DEPTOR: variants seen among roughly 807,000 people sequenced by gnomAD.
The protein encoded by DEPTOR is DEP domain containing MTOR interacting protein.
DEPTOR carries 41 observed loss-of-function variants against 41.6 expected under a neutral mutation model. That is an observed-to-expected ratio of 0.98 (90% CI 0.77 to 1.28). The LOEUF (loss-of-function observed/expected upper bound fraction) is 1.28. Ranked by LOEUF, DEPTOR falls within the 50% of genes most tolerant of loss-of-function variation. The pLI is 0.00. For missense variants in DEPTOR, 514 were observed against 527.9 expected (o/e 0.97, Z 0.26); for synonymous variants, 195 against 192.3 (o/e 1.01, Z -0.12).
chr8:119,894,800 A>G (rs1827495308), intron 1 of DEPTOR, among the ~76,000 whole-genome samples: 1 of 152,196 alleles, frequency 6.6e-6, no homozygotes, highest in African/African-American at 2.4e-5. Context: ...ACTTTCATAG[A>G]AAGTTCGGTA....
chr8:120,002,791 A>AAATATAT, intron 5 of DEPTOR, among the ~76,000 whole-genome samples, 186 bp from the exon 6 acceptor site: 16 of 60,674 alleles, frequency 2.6e-4, no homozygotes, highest in East Asian at 5.2e-4. Context: ...AAAAAAAAAA[A>AAATATAT]ATATATATAT....
At chr8:119,874,980 T>C (rs1186232602) in intron 1 of DEPTOR, among the ~76,000 whole-genome samples, 1 of 152,126 alleles carries the variant, frequency 6.6e-6, no homozygotes, top group East Asian at 1.9e-4. Context: ...TTTCTAAATG[T>C]CTGTGTTTCA....
intron 1 of DEPTOR, among the ~76,000 whole-genome samples, chr8:119,894,003 G>C (rs1004264833): frequency 6.6e-6 from 1 of 152,076 alleles, no homozygotes; most frequent in African/African-American, 2.4e-5. Context: ...TATACTTTTG[G>C]GGAAATCATT....
At chr8:119,992,640 T>C (rs941880146) in intron 4 of DEPTOR, among the ~76,000 whole-genome samples, 3 of 150,648 alleles carry the variant, frequency 2.0e-5, no homozygotes, top group Admixed American at 6.7e-5. Context: ...TCCTTCCAAC[T>C]AGATAAGTAG....
intron 4 of DEPTOR, among the ~76,000 whole-genome samples, chr8:119,981,328 T>G (rs1310681635): frequency 6.6e-6 from 1 of 152,198 alleles, no homozygotes; most frequent in Non-Finnish European, 1.5e-5. Flanking sequence ...CCACTCCGTT[T>G]TTACTTTACC....
intron 1 of DEPTOR, among the ~76,000 whole-genome samples, chr8:119,912,320 A>G (rs955411928): frequency 2.6e-5 from 4 of 152,242 alleles, no homozygotes; most frequent in African/African-American, 9.6e-5. Flanking sequence ...TCCCTAACAT[A>G]TAGAATACAA....
At chr8:119,983,453 C>T (rs1403890231) in intron 4 of DEPTOR, among the ~76,000 whole-genome samples, 3 of 152,038 alleles carry the variant, frequency 2.0e-5, no homozygotes, top group Middle Eastern at 3.2e-3. Flanking sequence ...GGCGCCATCT[C>T]GGCTCACTGC....
rs1255922100 is a variant in DEPTOR, at chr8:119,928,544, G to A, written c.267G>A (p.Met89Ile). 6.2e-7 allele frequency: 1 copy of A among 1,614,054 alleles called. No individual in the cohort carries two copies. Among genetic ancestry groups the A allele is most frequent in the African/African-American group, 1.3e-5 (1 of 74,938 alleles). Residue 89 changes from methionine (M) to isoleucine (I), a missense_variant, in exon 2 of 9, where the codon ATG becomes ATA. Met to Ile is a conservative substitution (Grantham distance 10, BLOSUM62 1). Transcript: ENST00000286234. ...ASDRETAIKL[M>I]QKLADRGIIH... ...ACAGAGAGACGGCAATTAAACTCAT[G>A]CAGAAATTAGCAGACCGGGGCATTA...
intron 6 of DEPTOR, among the ~76,000 whole-genome samples, chr8:120,005,118 A>G (rs1385149308): frequency 1.3e-5 from 2 of 152,184 alleles, no homozygotes; most frequent in African/African-American, 4.8e-5. Context: ...TCTGCTGCCA[A>G]ATAGTACAGT....
At chr8:119,914,814 A>G (rs996996669) in intron 1 of DEPTOR, among the ~76,000 whole-genome samples, 1 of 152,238 alleles carries the variant, frequency 6.6e-6, no homozygotes, top group Non-Finnish European at 1.5e-5. Flanking sequence ...GGTGGGGCTC[A>G]GCCTTCTGTG....
intron 4 of DEPTOR, among the ~76,000 whole-genome samples, chr8:119,979,561 C>T (rs115753410): frequency 5.3e-5 from 8 of 152,246 alleles, no homozygotes; most frequent in African/African-American, 1.9e-4. Flanking sequence ...CTGCACCTGG[C>T]CCAGCTTTTT....
At chr8:120,049,521 T>A in intron 8 of DEPTOR, 55 bp from the exon 9 acceptor site, 1 of 1,587,668 alleles carries the variant, frequency 6.3e-7, no homozygotes, top group Non-Finnish European at 8.6e-7. Flanking sequence ...TTATTAAAGC[T>A]TTGTGCAAAA....
chr8:119,913,008 C>T (rs995284585), intron 1 of DEPTOR, among the ~76,000 whole-genome samples: 5 of 152,154 alleles, frequency 3.3e-5, no homozygotes, highest in African/African-American at 1.2e-4. Flanking sequence ...GCAACCTCCA[C>T]CTCCTGGGTT....
chr8:119,999,951 C>T (rs1812322763), intron 4 of DEPTOR, among the ~76,000 whole-genome samples: 1 of 152,164 alleles, frequency 6.6e-6, no homozygotes, highest in Non-Finnish European at 1.5e-5. Flanking sequence ...CACATGCACA[C>T]TCACACACAC....
At chr8:120,029,194 T>G (rs1427638121) in intron 8 of DEPTOR, among the ~76,000 whole-genome samples, 1 of 152,180 alleles carries the variant, frequency 6.6e-6, no homozygotes, top group African/African-American at 2.4e-5. Context: ...ACATAGCTCT[T>G]GTTTCATGTA....
At chr8:119,937,916 C>A (rs2129881975) in intron 3 of DEPTOR, among the ~76,000 whole-genome samples, 1 of 152,212 alleles carries the variant, frequency 6.6e-6, no homozygotes, top group South Asian at 2.1e-4. Flanking sequence ...GAAAACTTGC[C>A]CTCTGTCTGA....
chr8:119,981,859 C>A (rs2130022083), intron 4 of DEPTOR, among the ~76,000 whole-genome samples: 1 of 151,190 alleles, frequency 6.6e-6, no homozygotes, highest in South Asian at 2.1e-4. Context: ...ACTAAAAATA[C>A]AAAAAATTAG....
At chr8:119,971,660 C>T (rs1828635493) in intron 4 of DEPTOR, among the ~76,000 whole-genome samples, 1 of 152,112 alleles carries the variant, frequency 6.6e-6, no homozygotes, top group African/African-American at 2.4e-5. Flanking sequence ...TTATCCAGTG[C>T]TTTGGGGGAC....
At chr8:119,997,702 C>A (rs972332033) in intron 4 of DEPTOR, among the ~76,000 whole-genome samples, 29 of 152,078 alleles carry the variant, frequency 1.9e-4, no homozygotes, top group Non-Finnish European at 5.9e-5. Context: ...TAGTAGGGAC[C>A]CAGGTTGTGA....
Sources: allele counts gnomAD v4.1 joint callset (sites outside exome capture counted in the v4.1 genomes callset), GRCh38; gene constraint gnomAD v4.1.1; transcripts MANE v1.5; gene names NCBI Gene and HGNC (gene_info 2026-07-23, HGNC 2026-07-21).